Variants in GOLGA7B observed in about 807,000 individuals in gnomAD.
GOLGA7B encodes golgin subfamily A member 7B.
In GOLGA7B, 17 loss-of-function variants were observed where a neutral mutation model predicts 21.5. The ratio of observed to expected loss-of-function variants is 0.79; its 90% CI spans 0.54 to 1.19. GOLGA7B has a LOEUF of 1.19. Ranked by LOEUF, GOLGA7B falls within the 50% of genes most tolerant of loss-of-function variation. The probability of loss-of-function intolerance (pLI) is 0.00; values close to 1 mark genes in which losing one functional copy is unlikely to be tolerated. For missense variants in GOLGA7B, 169 were observed against 224.4 expected (o/e 0.75, Z 1.58); for synonymous variants, 87 against 84.0 (o/e 1.04, Z -0.19).
intron 1 of GOLGA7B, among the ~76,000 whole-genome samples, chr10:97,855,872 G>A (rs1433744892): frequency 6.6e-6 from 1 of 152,178 alleles, no homozygotes; most frequent in African/African-American, 2.4e-5. Context: ...GCCTACAGGA[G>A]GGCTTATACA....
In GOLGA7B at chr10:97,855,555, C is replaced by G. The variant is rs545069201; in HGVS notation, c.13-3903C>G. ...AAGAGAATCATCCCTCCAACTGGCCCCTCACCCCAGTCTTGTCCACTTCCC... is the reference window on the plus strand; with the variant it reads ...AAGAGAATCATCCCTCCAACTGGCCGCTCACCCCAGTCTTGTCCACTTCCC... On this transcript the variant is annotated intron_variant, in intron 1 of 4. Transcript: ENST00000370602. 5.3e-5 allele frequency among the ~76,000 whole-genome samples: 8 copies of G among 152,272 alleles called. No individual in the cohort carries two copies. The East Asian group carries it at 1.5e-3, about 29-fold the overall frequency.
chr10:97,865,245 T>A (rs569315117), intron 4 of GOLGA7B: 2 of 298,260 alleles, frequency 6.7e-6, no homozygotes, highest in East Asian at 1.1e-4. Flanking sequence ...AAAGTCCTCA[T>A]ACTTCCTGTG....
intron 1 of GOLGA7B, among the ~76,000 whole-genome samples, chr10:97,851,965 CT>C (rs1316192112): frequency 1.1e-4 from 17 of 152,234 alleles, no homozygotes; most frequent in Admixed American, 1.1e-3. Flanking sequence ...TAAGTGATCT[CT>C]TTCAAGCCTC....
Position 97,869,901 on chromosome 10 carries a change from C to T in GOLGA7B, c.*4201C>T, listed in dbSNP as rs1564870182. 1 of 152,314 alleles carries T rather than the reference C, an allele frequency of 6.6e-6. No homozygotes were observed. The highest frequency in any genetic ancestry group is 1.5e-5 in the Non-Finnish European group (1 of 68,094). 9.4% of individuals were successfully genotyped at this position (152,314 alleles called of 1,614,324 possible). A position where few individuals can be genotyped will look rare whatever the true frequency, so the allele number is the denominator to read the frequency against. ...AGGGGGGCCCAGACAGGAGGCATCA[C>T]CACCTGGTTTGGGCTTTACCATTCA... On this transcript the variant is annotated 3_prime_UTR_variant, in exon 5 of 5. Coordinates refer to ENST00000370602, the MANE Select transcript of GOLGA7B (RefSeq NM_001010917.3).
Position 97,868,116 on chromosome 10 carries a change from G to A in GOLGA7B, c.*2416G>A, listed in dbSNP as rs1023318466. The A allele has an allele frequency of 2.0e-5, 3 of 152,202 alleles. No homozygotes were observed. Among genetic ancestry groups the A allele is most frequent in the South Asian group, 2.1e-4 (1 of 4,824 alleles). The allele number at this position is 152,202 out of a possible 1,614,324, so 9.4% of individuals were successfully genotyped here. A position where few individuals can be genotyped will look rare whatever the true frequency, so the allele number is the denominator to read the frequency against. ...GAAAGTAGCTGGATGATCACTTCTC[G>A]GCCTTTTGGCCAAGATCAAATATGG... On this transcript the variant is annotated 3_prime_UTR_variant, in exon 5 of 5. Transcript: ENST00000370602.
chr10:97,857,694 A>C (rs1303589268), intron 1 of GOLGA7B, among the ~76,000 whole-genome samples: 1 of 152,228 alleles, frequency 6.6e-6, no homozygotes, highest in Non-Finnish European at 1.5e-5. Context: ...AATCCTATGC[A>C]AAGAACAATC....
rs965196496 is a variant in GOLGA7B at position 97,870,473 on chromosome 10, G to C, written c.*4773G>C. ...GGGTAGCGAATGGATGGGGACCTGG[G>C]GGGCTTCTGGGAGCTCAGGATGTTC... On this transcript the variant is annotated 3_prime_UTR_variant, in exon 5 of 5. Transcript: ENST00000370602. The C allele has an allele frequency of 9.9e-5, 15 of 152,090 alleles. No homozygotes were observed. The highest frequency in any genetic ancestry group is 3.4e-4 in the African/African-American group (14 of 41,384). The allele number at this position is 152,090 out of a possible 1,614,324, so 9.4% of individuals were successfully genotyped here. A position where few individuals can be genotyped will look rare whatever the true frequency, so the allele number is the denominator to read the frequency against.
rs1277296105 is a variant in GOLGA7B at position 97,867,931 on chromosome 10, T to TG, written c.*2235dup. ...CTCAGCATCTCTAATCTGGAATCTT[T>TG]GGGGCACTTGTAGCCTTGGGTGGGG... On this transcript the variant is annotated 3_prime_UTR_variant, in exon 5 of 5. Coordinates refer to ENST00000370602, the MANE Select transcript of GOLGA7B (RefSeq NM_001010917.3). 1 of 152,240 alleles carries TG rather than the reference T, an allele frequency of 6.6e-6. No homozygotes were observed. Among genetic ancestry groups the TG allele is most frequent in the African/African-American group, 2.4e-5 (1 of 41,440 alleles). The allele number at this position is 152,240 out of a possible 1,614,324, so 9.4% of individuals were successfully genotyped here.
At chr10:97,851,637 T>C (rs1164502073) in intron 1 of GOLGA7B, among the ~76,000 whole-genome samples, 1 of 152,212 alleles carries the variant, frequency 6.6e-6, no homozygotes, top group African/African-American at 2.4e-5. Flanking sequence ...ACCTTCCAGA[T>C]AGGGCTGCCA....
Position 97,865,827 on chromosome 10 carries a change from A to G in GOLGA7B, c.*127A>G. 90 of 390,612 alleles carry G rather than the reference A, an allele frequency of 2.3e-4. No homozygotes were observed. Among genetic ancestry groups the G allele is most frequent in the Non-Finnish European group, 3.7e-4 (77 of 209,178 alleles). 24.2% of individuals were successfully genotyped at this position (390,612 alleles called of 1,614,324 possible). A position where few individuals can be genotyped will look rare whatever the true frequency, so the allele number is the denominator to read the frequency against. On this transcript the variant is annotated 3_prime_UTR_variant, in exon 5 of 5. Transcript: ENST00000370602. ...GGCTCACCCTGCTGCCCGGGGTGGG[A>G]GGGAGGGTGACGGGCCTCATATTTC...
intron 1 of GOLGA7B, among the ~76,000 whole-genome samples, chr10:97,856,257 T>G (rs2049934789): frequency 6.6e-6 from 1 of 152,230 alleles, no homozygotes. Flanking sequence ...CCAGTGTCTA[T>G]TATTTTCATC....
intron 4 of GOLGA7B, chr10:97,865,341 C>A (rs1228250178): frequency 3.9e-6 from 2 of 515,996 alleles, no homozygotes; most frequent in East Asian, 6.3e-5. Context: ...AGGGCAGCGA[C>A]CCTGTCTGCT....
chr10:97,858,609 C>G (rs1411278908), intron 1 of GOLGA7B, among the ~76,000 whole-genome samples: 1 of 152,222 alleles, frequency 6.6e-6, no homozygotes, highest in Non-Finnish European at 1.5e-5. Context: ...GCACAAGGGA[C>G]AGATATCTCC....
rs916966815 is a variant in GOLGA7B at position 97,850,285 on chromosome 10, C to A, written c.-19C>A. 1.7e-5 allele frequency: 25 copies of A among 1,496,992 alleles called. No individual in the cohort carries two copies. The African/African-American group carries it at 3.2e-4, about 19-fold the overall frequency. 92.7% of individuals were successfully genotyped at this position (1,496,992 alleles called of 1,614,324 possible). On this transcript the variant is annotated 5_prime_UTR_variant, in exon 1 of 5. Coordinates refer to ENST00000370602, the MANE Select transcript of GOLGA7B (RefSeq NM_001010917.3). Reference sequence around the variant, plus strand: ...CCCCCTCGCCCGGCCCCGCGACAGCCTCCGAGCGCCCCCGGATCATGGCCA... The same window carrying A: ...CCCCCTCGCCCGGCCCCGCGACAGCATCCGAGCGCCCCCGGATCATGGCCA...
At chr10:97,853,120 G>A (rs1039148356) in intron 1 of GOLGA7B, among the ~76,000 whole-genome samples, 2 of 152,212 alleles carry the variant, frequency 1.3e-5, no homozygotes, top group African/African-American at 2.4e-5. Flanking sequence ...AATTAATGAT[G>A]AGTAGACAAC....
chr10:97,866,020 C>T lies in GOLGA7B; in HGVS notation c.*320C>T, dbSNP rs1420115458. On this transcript the variant is annotated 3_prime_UTR_variant, in exon 5 of 5. Transcript: ENST00000370602. ...ACACAACCTAGGCGGCCCCTCTCTT[C>T]CACAGCCCCTCTCCCAACCCTGCGA... 1.4e-5 allele frequency: 5 copies of T among 364,658 alleles called. No homozygotes were observed. The highest frequency in any genetic ancestry group is 4.2e-5 in the Admixed American group (1 of 23,962). 22.6% of individuals were successfully genotyped at this position (364,658 alleles called of 1,614,324 possible).
rs1314113158 is a variant in GOLGA7B, at chr10:97,863,957, G to A, written c.166G>A (p.Val56Met). 4 of 1,613,884 alleles carry A rather than the reference G, an allele frequency of 2.5e-6. No homozygotes were observed. The highest frequency in any genetic ancestry group is 3.4e-6 in the Non-Finnish European group (4 of 1,179,966). Residue 56 changes from valine (V) to methionine (M), a missense_variant, in exon 3 of 5, where the codon GTG becomes ATG. Coordinates refer to ENST00000370602, the MANE Select transcript of GOLGA7B (RefSeq NM_001010917.3). The stretch of plus-strand genomic sequence containing the variant: ...CGAGCGGCAGCTCTTTGAAGAGACT[G>A]TGAAGACCCTCAACGGATTTTACGC... ...RIERQLFEET[V>M]KTLNGFYAEA...
Position 97,864,220 on chromosome 10 carries a change from C to A in GOLGA7B, c.344C>A (p.Ala115Glu). Reference protein sequence around the residue: ...YIQEQNEKIFAPRGLLLTDPV... With the variant: ...YIQEQNEKIFEPRGLLLTDPV... The stretch of plus-strand genomic sequence containing the variant: ...CAGGAGCAGAATGAGAAGATCTTTG[C>A]ACCTCGAGGCCTCCTACTTACAGAC... Residue 115 changes from alanine (A) to glutamate (E), a missense_variant, in exon 4 of 5, where the codon GCA (alanine) becomes GAA (glutamate). By Grantham distance (107) the Ala-to-Glu change is moderately radical. Coordinates refer to ENST00000370602, the MANE Select transcript of GOLGA7B (RefSeq NM_001010917.3). 6.2e-7 allele frequency: 1 copy of A among 1,614,136 alleles called. No homozygotes were observed. Among genetic ancestry groups the A allele is most frequent in the Non-Finnish European group, 8.5e-7 (1 of 1,180,002 alleles).
At chr10:97,857,198 TAC>T (rs1242997007) in intron 1 of GOLGA7B, among the ~76,000 whole-genome samples, 2 of 152,208 alleles carry the variant, frequency 1.3e-5, no homozygotes, top group Non-Finnish European at 2.9e-5. Flanking sequence ...CTAGAATTTT[TAC>T]AGTTTCATGT....
Sources: allele counts gnomAD v4.1 joint callset (sites outside exome capture counted in the v4.1 genomes callset), GRCh38; gene constraint gnomAD v4.1.1; transcripts MANE v1.5; gene names NCBI Gene and HGNC (gene_info 2026-07-23, HGNC 2026-07-21).